The following SLC6A15 variants were observed in gnomAD, a reference collection of about 807,000 sequenced individuals.
SLC6A15 encodes the protein solute carrier family 6 member 15, also known as sodium-dependent neutral amino acid transporter B(0)AT2.
A neutral mutation model predicts 68.5 loss-of-function variants in SLC6A15; 33 were observed. The observed-to-expected ratio is 0.48, with a 90% CI of 0.37 to 0.64. The LOEUF (loss-of-function observed/expected upper bound fraction) is 0.64, where lower values mean the gene tolerates loss of function less well. Ranked by LOEUF, SLC6A15 falls within the 30% of genes least tolerant of loss-of-function variation. SLC6A15 has a pLI of 0.00. For missense variants in SLC6A15, 747 were observed against 874.3 expected, an observed-to-expected ratio of 0.85 and a Z score of 1.84; for synonymous variants, 347 against 301.0, an observed-to-expected ratio of 1.15 and a Z score of -1.58.
chr12:84,890,373 A>G (rs1872329662), intron 2 of SLC6A15, among the ~76,000 whole-genome samples: 1 of 152,198 alleles, frequency 6.6e-6, no homozygotes, highest in African/African-American at 2.4e-5. Context: ...ATCCTCCTTA[A>G]TAGTGTGGTC....
chr12:84,881,299 G>C, intron 5 of SLC6A15: 2 of 260,312 alleles, frequency 7.7e-6, no homozygotes, highest in Non-Finnish European at 1.2e-5. Flanking sequence ...TTTGATTCTT[G>C]AAAGGCCTTT....
At chr12:84,874,948 A>G (rs1253113665) in intron 6 of SLC6A15, among the ~76,000 whole-genome samples, 2 of 152,202 alleles carry the variant, frequency 1.3e-5, no homozygotes, top group Non-Finnish European at 2.9e-5. Context: ...TCAACACTCA[A>G]TGAAAAGTTA....
intron 6 of SLC6A15, chr12:84,874,356 T>C (rs1871420737): frequency 6.6e-6 from 1 of 152,140 alleles, no homozygotes; most frequent in Non-Finnish European, 1.5e-5. Flanking sequence ...CAGTAACCGA[T>C]AACATAGATG....
intron 8 of SLC6A15, among the ~76,000 whole-genome samples, chr12:84,871,437 G>T (rs577933222): frequency 1.3e-5 from 2 of 151,920 alleles, no homozygotes; most frequent in South Asian, 4.2e-4. Flanking sequence ...GAAAGAAATT[G>T]AATTACTTGC....
rs573089305 is a variant in SLC6A15 at position 84,876,228 on chromosome 12, G to T, written c.867+269C>A. Among the ~76,000 whole-genome samples the T allele has an allele frequency of 2.6e-5, 4 of 151,736 alleles. No individual in the cohort carries two copies. In the East Asian group the frequency reaches 7.8e-4, roughly 29 times the overall value. On this transcript the variant is annotated intron_variant, in intron 6 of 11. Transcript: ENST00000266682. ...TGAAGTCTAATCAGTATAAAACTTA[G>T]AAATAAATTTATTATAAAAGAGAGA...
At chr12:84,910,927 C>CTCTCTCTCTCT (rs1565736492) in intron 1 of SLC6A15, among the ~76,000 whole-genome samples, 3 of 128,998 alleles carry the variant, frequency 2.3e-5, no homozygotes, top group African/African-American at 1.2e-4. Flanking sequence ...CGCCCTCTTT[C>CTCTCTCTCTCT]CGTGTGTGTG....
At chr12:84,869,446 C>CA (rs1871197047) in intron 9 of SLC6A15, among the ~76,000 whole-genome samples, 1 of 112,206 alleles carries the variant, frequency 8.9e-6, no homozygotes, top group Non-Finnish European at 1.6e-5. Flanking sequence ...GCCTGGGCGA[C>CA]AGAGCAAGAC....
At chr12:84,878,776 AAAT>A (rs1871679097) in intron 5 of SLC6A15, among the ~76,000 whole-genome samples, 1 of 151,984 alleles carries the variant, frequency 6.6e-6, no homozygotes, top group Admixed American at 6.6e-5. Context: ...CCACTTCCTC[AAAT>A]CCCATAAACC....
intron 10 of SLC6A15, among the ~76,000 whole-genome samples, chr12:84,866,763 C>T (rs1341671843): frequency 3.9e-5 from 6 of 152,282 alleles, no homozygotes; most frequent in East Asian, 1.9e-4. Flanking sequence ...CCAATACTTA[C>T]TAAATCCTGA....
chr12:84,869,899 A>G (rs1012257208), intron 9 of SLC6A15, among the ~76,000 whole-genome samples: 1 of 152,140 alleles, frequency 6.6e-6, no homozygotes, highest in South Asian at 2.1e-4. Context: ...TATCCTTTAT[A>G]GCCCTTAAAT....
At chr12:84,866,979 T>G in intron 10 of SLC6A15, 55 bp downstream of exon 10, 1 of 1,325,470 alleles carries the variant, frequency 7.5e-7, no homozygotes, top group Non-Finnish European at 1.0e-6. Flanking sequence ...ACATTGATAA[T>G]TGATGTTTTC....
Position 84,884,035 on chromosome 12 carries a change from C to T in SLC6A15, c.580G>A (p.Glu194Lys). The change falls in exon 5 of 12, where the codon GAA (glutamate) becomes AAA (lysine). Residue 194 changes from glutamate (E) to lysine (K), a missense_variant. Coordinates refer to ENST00000266682, the MANE Select transcript of SLC6A15 (RefSeq NM_182767.6). ...GCAGAACTTTGTTCACATTCTGGTT[C>T]TACAACTGTAGAAAGAAAAGTAACA... is the stretch of plus-strand genomic sequence containing the variant. ...LVKNASHTFV[E>K]PECEQSSATT... 6.2e-7 allele frequency: 1 copy of T among 1,611,486 alleles called. No individual in the cohort carries two copies. Among genetic ancestry groups the T allele is most frequent in the Non-Finnish European group, 8.5e-7 (1 of 1,177,994 alleles).
chr12:84,860,220 G>T lies in SLC6A15; in HGVS notation c.*1412C>A, dbSNP rs547494008. The stretch of plus-strand genomic sequence containing the variant: ...TGTGTATTACCTCACTTATTTTGCT[G>T]CTATATCCATCATTGTTTTAAAAAT... On this transcript the variant is annotated 3_prime_UTR_variant, in exon 12 of 12. Coordinates refer to ENST00000266682, the MANE Select transcript of SLC6A15 (RefSeq NM_182767.6). 2 of 151,948 alleles carry T rather than the reference G, an allele frequency of 1.3e-5. No individual in the cohort carries two copies. Among genetic ancestry groups the T allele is most frequent in the Non-Finnish European group, 2.9e-5 (2 of 67,916 alleles). 9.4% of individuals were successfully genotyped at this position (151,948 alleles called of 1,614,324 possible).
chr12:84,872,808 C>A lies in SLC6A15; in HGVS notation c.1110-14G>T. The A allele has an allele frequency of 6.3e-7, 1 of 1,590,078 alleles. No homozygotes were observed. The stretch of plus-strand genomic sequence containing the variant: ...GTCTCTGAATTTCTGAAAAATAAAA[C>A]AACATACAAATGAGCACATAAGAGT... On this transcript the variant is annotated splice_polypyrimidine_tract_variant and intron_variant, in intron 7 of 11. Transcript: ENST00000266682.
Position 84,863,682 on chromosome 12 carries a change from G to C in SLC6A15, c.1656-81C>G, listed in dbSNP as rs1439409495. The C allele has an allele frequency of 1.1e-5, 11 of 1,018,414 alleles. No individual in the cohort carries two copies. In the Admixed American group the frequency reaches 3.0e-4, roughly 28 times the overall value. 63.1% of individuals were successfully genotyped at this position (1,018,414 alleles called of 1,614,324 possible). ...AAAATGTGCATTATATTAATGGTCT[G>C]ACAAACATTTACCATTGATACCCTA... On this transcript the variant is annotated intron_variant, in intron 10 of 11. Coordinates refer to ENST00000266682, the MANE Select transcript of SLC6A15 (RefSeq NM_182767.6).
chr12:84,881,805 C>T (rs531217369), intron 5 of SLC6A15: 1 of 968,414 alleles, frequency 1.0e-6, no homozygotes, highest in Admixed American at 6.2e-5. Context: ...TTTAATTCCT[C>T]ATAAAGTCAT....
chr12:84,903,417 C>T (rs186197724), intron 1 of SLC6A15, among the ~76,000 whole-genome samples: 1 of 151,858 alleles, frequency 6.6e-6, no homozygotes, highest in South Asian at 2.1e-4. Flanking sequence ...TACTAATATG[C>T]CCTAAAAAAC....
At chr12:84,865,117 G>A (rs112805749) in intron 10 of SLC6A15, among the ~76,000 whole-genome samples, 2 of 152,218 alleles carry the variant, frequency 1.3e-5, no homozygotes, top group African/African-American at 4.8e-5. Flanking sequence ...CATGGTACAG[G>A]TTATGAGTTT....
chr12:84,905,162 C>T (rs1369682023), intron 1 of SLC6A15, among the ~76,000 whole-genome samples: 1 of 152,040 alleles, frequency 6.6e-6, no homozygotes, highest in Non-Finnish European at 1.5e-5. Context: ...CACAAAATTC[C>T]TTTACACAGT....
Sources: gnomAD v4.1 joint callset for allele counts (sites outside exome capture counted in the v4.1 genomes callset) on GRCh38, gnomAD v4.1.1 for gene constraint, MANE v1.5 for transcripts, NCBI Gene and HGNC (gene_info 2026-07-23, HGNC 2026-07-21) for gene names.